Variants in DENND1B observed in about 807,000 individuals in gnomAD.
DENND1B encodes DENN domain-containing protein 1B.
DENND1B carries 59 observed loss-of-function variants against 90.1 expected under a neutral mutation model. The ratio of observed to expected loss-of-function variants is 0.65; its 90% CI spans 0.53 to 0.81. The LOEUF (loss-of-function observed/expected upper bound fraction) is 0.81, where lower values mean the gene tolerates loss of function less well. Ranked by LOEUF, DENND1B falls within the 40% of genes least tolerant of loss-of-function variation. DENND1B has a pLI of 0.00. For missense variants in DENND1B, 862 were observed against 912.6 expected (o/e 0.94, Z 0.71); for synonymous variants, 337 against 324.6 (o/e 1.04, Z -0.41).
chr1:197,749,691 C>A (rs1455467270), intron 2 of DENND1B, among the ~76,000 whole-genome samples: 1 of 151,704 alleles, frequency 6.6e-6, no homozygotes, highest in East Asian at 1.9e-4. Context: ...AGGAAGAATG[C>A]AAGAAATGGT....
intron 20 of DENND1B, among the ~76,000 whole-genome samples, chr1:197,528,636 G>A (rs1669315407): frequency 6.6e-6 from 1 of 152,102 alleles, no homozygotes; most frequent in Non-Finnish European, 1.5e-5. Flanking sequence ...CGAGGCGGGC[G>A]GATCACGAGA....
intron 11 of DENND1B, among the ~76,000 whole-genome samples, chr1:197,614,285 C>G (rs1434302681): frequency 6.6e-6 from 1 of 151,020 alleles, no homozygotes; most frequent in East Asian, 1.9e-4. Context: ...ATCTAAAACA[C>G]AGATGTTAGA....
chr1:197,535,157 C>A (rs2125641912), intron 20 of DENND1B, among the ~76,000 whole-genome samples: 1 of 152,260 alleles, frequency 6.6e-6, no homozygotes, highest in African/African-American at 2.4e-5. Flanking sequence ...TGGCTCAATT[C>A]TCAGGAGAGA....
intron 2 of DENND1B, among the ~76,000 whole-genome samples, chr1:197,718,176 T>C (rs1660821194): frequency 6.6e-6 from 1 of 151,914 alleles, no homozygotes; most frequent in African/African-American, 2.4e-5. Context: ...AATTCACAAA[T>C]TTTTGTGGCC....
chr1:197,540,109 T>C (rs1408746360), intron 19 of DENND1B, 38 bp from the exon 20 acceptor site: 3 of 1,420,224 alleles, frequency 2.1e-6, no homozygotes, highest in Non-Finnish European at 2.9e-6. Context: ...AATTGTAAAG[T>C]ACTCCTTTTA....
At chr1:197,578,675 C>A (rs952215836) in intron 15 of DENND1B, among the ~76,000 whole-genome samples, 7 of 152,118 alleles carry the variant, frequency 4.6e-5, no homozygotes, top group Non-Finnish European at 7.4e-5. Flanking sequence ...CCCATAAACA[C>A]ACACTATTGT....
At chr1:197,687,801 G>C (rs1657410149) in intron 3 of DENND1B, among the ~76,000 whole-genome samples, 1 of 152,016 alleles carries the variant, frequency 6.6e-6, no homozygotes, top group Non-Finnish European at 1.5e-5. Flanking sequence ...TATAGTACTG[G>C]AAGTCACAGT....
At chr1:197,654,156 T>C (rs982633133) in intron 6 of DENND1B, among the ~76,000 whole-genome samples, 1 of 152,128 alleles carries the variant, frequency 6.6e-6, no homozygotes, top group Non-Finnish European at 1.5e-5. Context: ...TTATAAAAAA[T>C]TGGTTGACAA....
chr1:197,641,630 T>C (rs1403703695), intron 10 of DENND1B, among the ~76,000 whole-genome samples: 1 of 152,152 alleles, frequency 6.6e-6, no homozygotes, highest in Non-Finnish European at 1.5e-5. Context: ...ATACAAATTA[T>C]ATGTACAATT....
rs567765824 is a variant in DENND1B at position 197,646,176 on chromosome 1, C to T, written c.508-433G>A. ...GACTGGAAAAATTAAAGCTTGCTAA[C>T]CAAATATATCAAAATCTACTAAGAT... On this transcript the variant is annotated intron_variant, in intron 8 of 22. Transcript: ENST00000620048. 3.2e-4 allele frequency among the ~76,000 whole-genome samples: 48 copies of T among 151,786 alleles called. 1 individual carries two copies. The highest frequency in any genetic ancestry group is 1.9e-4 in the Non-Finnish European group (13 of 67,754).
At chr1:197,700,218 G>C (rs573572493) in intron 3 of DENND1B, among the ~76,000 whole-genome samples, 1 of 152,026 alleles carries the variant, frequency 6.6e-6, no homozygotes, top group Non-Finnish European at 1.5e-5. Flanking sequence ...ACTTCAGACT[G>C]TATTACAAGG....
intron 10 of DENND1B, among the ~76,000 whole-genome samples, chr1:197,618,398 A>C (rs546038361): frequency 5.9e-5 from 9 of 151,266 alleles, no homozygotes; most frequent in Non-Finnish European, 1.3e-4. Context: ...AGCCAAGTAT[A>C]TCATAATTTC....
intron 20 of DENND1B, among the ~76,000 whole-genome samples, chr1:197,518,503 A>C (rs546781615): frequency 1.3e-5 from 2 of 152,022 alleles, no homozygotes; most frequent in South Asian, 4.1e-4. Flanking sequence ...AATTTGGAGA[A>C]TCTCAAGAGG....
At position 197,580,331 on chromosome 1, in the gene DENND1B, C is replaced by T. The variant is rs575111005; in HGVS notation, c.1149+2821G>A. Among the ~76,000 whole-genome samples, 141 of 150,128 alleles carry T rather than the reference C, an allele frequency of 9.4e-4. 1 individual carries two copies. Among genetic ancestry groups the T allele is most frequent in the African/African-American group, 3.4e-3 (137 of 40,832 alleles). ...GCCAGGATGGTCTCGATCTCCTGAC[C>T]TCATGATCCACCCGTCTCGGTCTCC... On this transcript the variant is annotated intron_variant, in intron 15 of 22. Transcript: ENST00000620048.
At chr1:197,593,353 TA>T (rs1162315824) in intron 14 of DENND1B, among the ~76,000 whole-genome samples, 238 of 124,932 alleles carry the variant, frequency 1.9e-3, no homozygotes, top group African/African-American at 3.6e-3. Flanking sequence ...AAAATACTCC[TA>T]AAAAAAAAAA....
At chr1:197,775,551 G>C (rs1247496145), upstream of DENND1B, 1 of 160,008 alleles carries the variant, frequency 6.2e-6, no homozygotes, top group Non-Finnish European at 1.4e-5. Context: ...TGGGCCGTGC[G>C]GCTCGCAAGT....
chr1:197,583,467 A>G (rs1437643994), intron 14 of DENND1B, among the ~76,000 whole-genome samples: 2 of 152,164 alleles, frequency 1.3e-5, no homozygotes, highest in African/African-American at 4.8e-5. Context: ...GTACTCTTAA[A>G]ATTGCTCAAT....
At chr1:197,770,981 G>A (rs1327366961) in intron 2 of DENND1B, among the ~76,000 whole-genome samples, 3 of 147,318 alleles carry the variant, frequency 2.0e-5, no homozygotes, top group African/African-American at 5.0e-5. Context: ...GTGCTATCTC[G>A]GCGCACTGCA....
rs1321411544 is a variant in DENND1B at position 197,748,139 on chromosome 1, CAACAA to C, written c.82+24724_82+24728del. On this transcript the variant is annotated intron_variant, in intron 2 of 22. Transcript: ENST00000620048. The stretch of plus-strand genomic sequence containing the variant: ...TTGGTCCATCAAAAATTTGATTGCC[CAACAA>C]AACAAAATGTGATACTTAGTTAAAA... Among the ~76,000 whole-genome samples the C allele has an allele frequency of 4.0e-5, 6 of 151,814 alleles. No individual in the cohort carries two copies. The East Asian group carries it at 1.2e-3, about 29-fold the overall frequency.
Sources: gnomAD v4.1 joint callset for allele counts (sites outside exome capture counted in the v4.1 genomes callset) on GRCh38, gnomAD v4.1.1 for gene constraint, MANE v1.5 for transcripts, NCBI Gene and HGNC (gene_info 2026-07-23, HGNC 2026-07-21) for gene names.